BNC2: variants seen among roughly 807,000 people sequenced by gnomAD.
BNC2 encodes the protein zinc finger protein basonuclin-2.
In BNC2, 20 loss-of-function variants were observed where a neutral mutation model predicts 76.3. The ratio of observed to expected loss-of-function variants is 0.26; its 90% CI spans 0.18 to 0.38. The LOEUF is 0.38. Ranked by LOEUF, BNC2 falls within the 10% of genes least tolerant of loss-of-function variation. BNC2 has a pLI of 1.00. For synonymous variants in BNC2, 582 were observed against 514.8 expected (o/e 1.13, Z -1.77); for missense variants, 1,382 against 1,399.8 (o/e 0.99, Z 0.20).
At chr9:16,775,669 G>C (rs1021149281) in intron 1 of BNC2, 2 of 210,432 alleles carry the variant, frequency 9.5e-6, no homozygotes, top group Non-Finnish European at 2.1e-5. Flanking sequence ...TGGTCTGCTG[G>C]TCCACGCTTT....
intron 1 of BNC2, among the ~76,000 whole-genome samples, chr9:16,818,448 G>C (rs180931826): frequency 1.9e-3 from 288 of 152,200 alleles, no homozygotes; most frequent in Middle Eastern, 3.4e-3. Context: ...AGAGAGAACC[G>C]GTTTGGAAGT....
rs1818545295 is a variant in BNC2 at position 16,830,012 on chromosome 9, T to A, written c.3+40634A>T. ...TTACTTAAGTTTTAGAGACTATGTA[T>A]AAAAATATTCACTACATTTCTGCTA... On this transcript the variant is annotated intron_variant, in intron 1 of 6. Transcript: ENST00000380672. 2.0e-5 allele frequency among the ~76,000 whole-genome samples: 3 copies of A among 152,196 alleles called. 1 individual carries two copies. The South Asian group carries it at 6.2e-4, about 32-fold the overall frequency.
chr9:16,531,481 A>G (rs1215318405), intron 5 of BNC2, among the ~76,000 whole-genome samples: 1 of 152,042 alleles, frequency 6.6e-6, no homozygotes, highest in Non-Finnish European at 1.5e-5. Flanking sequence ...ACCTAGAGAC[A>G]CTGGTCTGTG....
chr9:16,510,506 T>C (rs1296281354), intron 5 of BNC2, among the ~76,000 whole-genome samples: 1 of 152,232 alleles, frequency 6.6e-6, no homozygotes, highest in Non-Finnish European at 1.5e-5. Flanking sequence ...GTGTATAATC[T>C]ACAAAGTCAG....
intron 5 of BNC2, among the ~76,000 whole-genome samples, chr9:16,496,575 A>C (rs1375933645): frequency 6.6e-6 from 1 of 152,254 alleles, no homozygotes; most frequent in Non-Finnish European, 1.5e-5. Flanking sequence ...CTAAGAACAG[A>C]CATCTAAGGT....
intron 1 of BNC2, among the ~76,000 whole-genome samples, chr9:16,843,851 T>A (rs1818894981): frequency 6.6e-6 from 1 of 152,182 alleles, no homozygotes; most frequent in African/African-American, 2.4e-5. Flanking sequence ...CAAGCAGAAA[T>A]TCATGTTAGA....
intron 3 of BNC2, among the ~76,000 whole-genome samples, chr9:16,596,540 A>C (rs1174454803): frequency 6.6e-6 from 1 of 152,134 alleles, no homozygotes; most frequent in Non-Finnish European, 1.5e-5. Flanking sequence ...CTATGGAGAC[A>C]TTTGGGACAG....
chr9:16,607,535 T>C (rs918651931), intron 3 of BNC2, among the ~76,000 whole-genome samples: 1 of 152,220 alleles, frequency 6.6e-6, no homozygotes, highest in African/African-American at 2.4e-5. Flanking sequence ...TTTTATTATA[T>C]TCTTACAGAA....
chr9:16,861,424 C>G (rs1819408454), intron 1 of BNC2, among the ~76,000 whole-genome samples: 1 of 151,958 alleles, frequency 6.6e-6, no homozygotes, highest in Admixed American at 6.6e-5. Context: ...AACCTTGTAC[C>G]TAGCAGAGGG....
At chr9:16,584,519 T>G (rs965448740) in intron 3 of BNC2, among the ~76,000 whole-genome samples, 1 of 152,178 alleles carries the variant, frequency 6.6e-6, no homozygotes, top group Non-Finnish European at 1.5e-5. Context: ...CCATTCATAC[T>G]TCACCCCCAT....
intron 1 of BNC2, among the ~76,000 whole-genome samples, chr9:16,739,601 G>A (rs1286143626): frequency 4.6e-5 from 7 of 152,196 alleles, no homozygotes; most frequent in Non-Finnish European, 1.0e-4. Context: ...GAACCCAAGA[G>A]GCAGAGGTTG....
chr9:16,651,694 C>A (rs1242475085), intron 3 of BNC2, among the ~76,000 whole-genome samples: 5 of 152,180 alleles, frequency 3.3e-5, no homozygotes, highest in African/African-American at 1.2e-4. Context: ...TAGTCTGTTA[C>A]TGGCAATAAA....
chr9:16,562,592 A>T (rs1819049122), intron 4 of BNC2, among the ~76,000 whole-genome samples: 1 of 152,232 alleles, frequency 6.6e-6, no homozygotes, highest in African/African-American at 2.4e-5. Flanking sequence ...TACCTTCTAC[A>T]TACTGCTAAT....
chr9:16,628,027 G>A (rs142954395), intron 3 of BNC2, among the ~76,000 whole-genome samples: 325 of 152,226 alleles, frequency 2.1e-3, no homozygotes, highest in Non-Finnish European at 3.2e-3. Context: ...GAAGTCACAT[G>A]TTTCCATTGT....
At chr9:16,685,894 G>A (rs936989449) in intron 3 of BNC2, among the ~76,000 whole-genome samples, 2 of 152,180 alleles carry the variant, frequency 1.3e-5, no homozygotes, top group African/African-American at 4.8e-5. Context: ...GTAGCACACA[G>A]TAGGCACCTA....
intron 4 of BNC2, among the ~76,000 whole-genome samples, chr9:16,555,207 T>C (rs1818788715): frequency 6.6e-6 from 1 of 151,644 alleles, no homozygotes; most frequent in African/African-American, 2.4e-5. Flanking sequence ...GTATTTTTGG[T>C]AGAGACGGGG....
intron 1 of BNC2, among the ~76,000 whole-genome samples, chr9:16,828,168 G>A (rs992866602): frequency 6.6e-6 from 1 of 152,088 alleles, no homozygotes; most frequent in African/African-American, 2.4e-5. Context: ...CTTAAAATGT[G>A]ATAAAAATGG....
At chr9:16,696,538 G>T (rs1433409332) in intron 3 of BNC2, among the ~76,000 whole-genome samples, 1 of 152,052 alleles carries the variant, frequency 6.6e-6, no homozygotes. Flanking sequence ...GTTCCTTAGG[G>T]CTCTAAGCAC....
chr9:16,699,216 C>G (rs1447911306), intron 3 of BNC2: 3 of 470,858 alleles, frequency 6.4e-6, no homozygotes, highest in Non-Finnish European at 1.3e-5. Flanking sequence ...GTCATCCCCA[C>G]TATATGTGGC....
Sources: gnomAD v4.1 joint callset for allele counts (sites outside exome capture counted in the v4.1 genomes callset) on GRCh38, gnomAD v4.1.1 for gene constraint, MANE v1.5 for transcripts, NCBI Gene and HGNC (gene_info 2026-07-23, HGNC 2026-07-21) for gene names.